SLC22A12: variants seen among roughly 807,000 people sequenced by gnomAD.
The protein encoded by SLC22A12 is solute carrier family 22 member 12.
SLC22A12 carries 56 observed loss-of-function variants against 52.7 expected under a neutral mutation model. The observed-to-expected ratio is 1.06, with a 90% CI of 0.86 to 1.33. The LOEUF (loss-of-function observed/expected upper bound fraction) is 1.33. Ranked by LOEUF, SLC22A12 falls within the 40% of genes most tolerant of loss-of-function variation. SLC22A12 has a pLI of 0.00. For synonymous variants in SLC22A12, 337 were observed against 324.6 expected, an observed-to-expected ratio of 1.04 and a Z score of -0.41; for missense variants, 683 against 741.5, an observed-to-expected ratio of 0.92 and a Z score of 0.92.
At chr11:64,601,418 G>A (rs910445412) in intron 9 of SLC22A12, 70 bp from the exon 10 acceptor site, 1 of 1,517,706 alleles carries the variant, frequency 6.6e-7, no homozygotes, top group South Asian at 1.2e-5. Flanking sequence ...GAGTCCTTGG[G>A]ATGGACACAG....
intron 6 of SLC22A12, 85 bp from the exon 7 acceptor site, chr11:64,599,591 G>GCCCCCCCCCCCCCTTGTTCCCCC: frequency 1.6e-6 from 1 of 617,180 alleles, no homozygotes; most frequent in Non-Finnish European, 2.4e-6. Flanking sequence ...CCCACCCTGA[G>GCCCCCCCCCCCCCTTGTTCCCCC]CCCCCACCGC....
intron 6 of SLC22A12, among the ~76,000 whole-genome samples, 192 bp downstream of exon 6, chr11:64,599,115 G>T (rs1212939991): frequency 6.6e-6 from 1 of 152,180 alleles, no homozygotes; most frequent in African/African-American, 2.4e-5. Flanking sequence ...GCCTTAATAA[G>T]GGGCAAGGCA....
rs201187954 is a variant in SLC22A12 at position 64,601,842 on chromosome 11, G to A, written c.*291G>A. On this transcript the variant is annotated 3_prime_UTR_variant, in exon 10 of 10. Transcript: ENST00000377574. ...TCGGAGAGCAGAGGGGTCAGGCCCA[G>A]GGGAACGAGCTGGCCTTGCCAACCC... 1 of 327,554 alleles carries A rather than the reference G, an allele frequency of 3.1e-6. No homozygotes were observed. The highest frequency in any genetic ancestry group is 5.4e-6 in the Non-Finnish European group (1 of 185,870). 20.3% of individuals were successfully genotyped at this position (327,554 alleles called of 1,614,324 possible).
intron 4 of SLC22A12, among the ~76,000 whole-genome samples, chr11:64,596,272 A>ATGGATGGATGGGATGGATGGATGGATGGT (rs1261682953): frequency 8.3e-6 from 1 of 119,872 alleles, no homozygotes. Context: ...GGATGGATGG[A>ATGGATGGATGGGATGGATGGATGGATGGT]TGGATGGATG....
intron 4 of SLC22A12, among the ~76,000 whole-genome samples, chr11:64,594,989 G>A (rs2135449554): frequency 7.9e-6 from 1 of 125,934 alleles, no homozygotes; most frequent in African/African-American, 3.0e-5. Flanking sequence ...ATGGATGGGT[G>A]GATGGATGGA....
chr11:64,594,181 T>G (rs2039012272), intron 4 of SLC22A12, among the ~76,000 whole-genome samples: 1 of 152,222 alleles, frequency 6.6e-6, no homozygotes, highest in African/African-American at 2.4e-5. Flanking sequence ...AGCACTGAGC[T>G]AGGCTAGGGG....
Position 64,601,718 on chromosome 11 carries a change from A to C in SLC22A12, c.*167A>C. 22 of 721,228 alleles carry C rather than the reference A, an allele frequency of 3.1e-5. No homozygotes were observed. The highest frequency in any genetic ancestry group is 3.4e-5 in the Non-Finnish European group (14 of 415,464). 44.7% of individuals were successfully genotyped at this position (721,228 alleles called of 1,614,324 possible). Reference sequence around the variant, plus strand: ...CCTCCAGGTGAGCCCTGCCCCTCTCACAGTCCAAGGGGCCCCCTTCAATAC... The same window carrying C: ...CCTCCAGGTGAGCCCTGCCCCTCTCCCAGTCCAAGGGGCCCCCTTCAATAC... On this transcript the variant is annotated 3_prime_UTR_variant, in exon 10 of 10. Transcript: ENST00000377574.
At position 64,598,942 on chromosome 11, in the gene SLC22A12, AC is replaced by A; in HGVS notation, c.1070+23del. 6.2e-7 allele frequency: 1 copy of A among 1,610,886 alleles called. No homozygotes were observed. Among genetic ancestry groups the A allele is most frequent in the Non-Finnish European group, 8.5e-7 (1 of 1,179,434 alleles). On this transcript the variant is annotated intron_variant, in intron 6 of 9. Transcript: ENST00000377574. Reference sequence around the variant, plus strand: ...TGTGCTGGTAGATGCCCTTCCCCCAACCCCACCTCCACAGGGGAACCTGGAA... The same window carrying A: ...TGTGCTGGTAGATGCCCTTCCCCCAACCCACCTCCACAGGGGAACCTGGAA...
Position 64,591,715 on chromosome 11 carries a change from C to T in SLC22A12, c.159C>T (p.Leu53=), listed in dbSNP as rs2135439496. Reference sequence around the variant, plus strand: ...CCAGCCACCGCTGCTGGGCACCCCTCCTGGACAACAGCACGGCTCAGGCCA... The same window carrying T: ...CCAGCCACCGCTGCTGGGCACCCCTTCTGGACAACAGCACGGCTCAGGCCA... ...AVPSHRCWAP[L]LDNSTAQASI... The change falls in exon 1 of 10, where the codon CTC becomes CTT. Residue 53 remains leucine (L), a synonymous_variant. Transcript: ENST00000377574. 6.2e-7 allele frequency: 1 copy of T among 1,612,694 alleles called. No individual in the cohort carries two copies. The highest frequency in any genetic ancestry group is 8.5e-7 in the Non-Finnish European group (1 of 1,180,024).
intron 4 of SLC22A12, among the ~76,000 whole-genome samples, chr11:64,596,710 T>C (rs530960134): frequency 6.6e-6 from 1 of 152,292 alleles, no homozygotes; most frequent in South Asian, 2.1e-4. Context: ...TCTCATACAG[T>C]GGCTCCACAA....
chr11:64,594,966 A>ATGG (rs2039061662), intron 4 of SLC22A12, among the ~76,000 whole-genome samples: 1 of 11,612 alleles, frequency 8.6e-5, no homozygotes, highest in African/African-American at 1.2e-4. Context: ...GGATGGTTGG[A>ATGG]ATAGATGGAT....
chr11:64,600,630 C>G, intron 8 of SLC22A12, 105 bp from the exon 9 acceptor site: 2 of 1,533,846 alleles, frequency 1.3e-6, no homozygotes, highest in Non-Finnish European at 1.8e-6. Flanking sequence ...CCAAGCCCAG[C>G]CTGACCCCCT....
intron 9 of SLC22A12, 134 bp from the exon 10 acceptor site, chr11:64,601,354 C>T: frequency 8.1e-6 from 7 of 869,234 alleles, no homozygotes; most frequent in Non-Finnish European, 1.1e-5. Flanking sequence ...CAACCCATCA[C>T]ATGCTCGGGA....
chr11:64,599,622 A>ACC (rs1338308510), intron 6 of SLC22A12, 54 bp from the exon 7 acceptor site: 5 of 16,290 alleles, frequency 3.1e-4, no homozygotes, highest in South Asian at 1.1e-3. Flanking sequence ...CACCCTGCCC[A>ACC]CCACCCCCCC....
At position 64,593,616 on chromosome 11, in the gene SLC22A12, C is replaced by G. The variant is rs372963031; in HGVS notation, c.662-19C>G. The G allele has an allele frequency of 7.4e-5, 120 of 1,614,082 alleles. No individual in the cohort carries two copies. The highest frequency in any genetic ancestry group is 1.0e-4 in the Non-Finnish European group (118 of 1,180,052). ...GCTCCATGCAGGCTCCAGGGCTGAA[C>G]CACTCGGTCTCCTTGCAGTGATGGA... On this transcript the variant is annotated intron_variant, in intron 3 of 9. Coordinates refer to ENST00000377574, the MANE Select transcript of SLC22A12 (RefSeq NM_144585.4).
At chr11:64,600,578 C>T (rs2039422343) in intron 8 of SLC22A12, 103 bp downstream of exon 8, 4 of 1,351,530 alleles carry the variant, frequency 3.0e-6, no homozygotes, top group Admixed American at 4.0e-5. Flanking sequence ...TCATGTCATG[C>T]ATCTCCCTCT....
chr11:64,601,762 T>A lies in SLC22A12; in HGVS notation c.*211T>A, dbSNP rs1455047117. The A allele has an allele frequency of 1.8e-6, 1 of 565,648 alleles. No individual in the cohort carries two copies. 35.0% of individuals were successfully genotyped at this position (565,648 alleles called of 1,614,324 possible). On this transcript the variant is annotated 3_prime_UTR_variant, in exon 10 of 10. Coordinates refer to ENST00000377574, the MANE Select transcript of SLC22A12 (RefSeq NM_144585.4). The stretch of plus-strand genomic sequence containing the variant: ...TCAATACTGAAGGGGAAAAGGACAG[T>A]TTGATTGGCAGGAGGTGACCCAGTG...
rs576040367 is a variant in SLC22A12, at chr11:64,599,574, G to T, written c.1071-102G>T. 56 of 782,948 alleles carry T rather than the reference G, an allele frequency of 7.2e-5. 1 individual carries two copies. In the African/African-American group the frequency reaches 9.1e-4, roughly 13 times the overall value. 48.5% of individuals were successfully genotyped at this position (782,948 alleles called of 1,614,324 possible). A position where few individuals can be genotyped will look rare whatever the true frequency, so the allele number is the denominator to read the frequency against. On this transcript the variant is annotated intron_variant, in intron 6 of 9. Coordinates refer to ENST00000377574, the MANE Select transcript of SLC22A12 (RefSeq NM_144585.4). The stretch of plus-strand genomic sequence containing the variant: ...GGGCCAGAACACTGAGCTAAGAGCA[G>T]CACACCCCCACCCTGAGCCCCCACC...
rs2038910986 is a variant in SLC22A12 at position 64,591,360 on chromosome 11, C to G, written c.-197C>G. The G allele has an allele frequency of 1.4e-6, 1 of 696,246 alleles. No individual in the cohort carries two copies. The highest frequency in any genetic ancestry group is 1.9e-5 in the South Asian group (1 of 51,798). 43.1% of individuals were successfully genotyped at this position (696,246 alleles called of 1,614,324 possible). A position where few individuals can be genotyped will look rare whatever the true frequency, so the allele number is the denominator to read the frequency against. ...ACGCGGCCTCAGGGCCCAGTTGGAG[C>G]CACCCCAAGTGACACCAGCAGGCAG... On this transcript the variant is annotated 5_prime_UTR_variant, in exon 1 of 10. Transcript: ENST00000377574.
Sources: allele counts gnomAD v4.1 joint callset (sites outside exome capture counted in the v4.1 genomes callset), GRCh38; gene constraint gnomAD v4.1.1; transcripts MANE v1.5; gene names NCBI Gene and HGNC (gene_info 2026-07-23, HGNC 2026-07-21).